The following TASP1 variants were observed in gnomAD, a reference collection of about 807,000 sequenced individuals.
TASP1 encodes taspase 1, also known as threonine aspartase 1.
TASP1 carries 16 observed loss-of-function variants against 56.6 expected under a neutral mutation model. The observed-to-expected ratio is 0.28, with a 90% CI of 0.19 to 0.43. The LOEUF (loss-of-function observed/expected upper bound fraction) is 0.43, where lower values mean the gene tolerates loss of function less well. Among genes scored for constraint, TASP1 ranks in the 20% least tolerant of loss-of-function variants. TASP1 has a pLI of 1.00. For synonymous variants in TASP1, 179 were observed against 184.2 expected (o/e 0.97, Z 0.23); for missense variants, 393 against 511.6 (o/e 0.77, Z 2.24).
At chr20:13,492,565 C>T (rs1291357438) in intron 10 of TASP1, among the ~76,000 whole-genome samples, 2 of 152,064 alleles carry the variant, frequency 1.3e-5, no homozygotes, top group African/African-American at 4.8e-5. Flanking sequence ...AAACCTGGAA[C>T]CTATTATATA....
At chr20:13,303,657 C>A in the TASP1 span, among the ~76,000 whole-genome samples, 4 of 152,372 alleles carry the variant, frequency 2.6e-5, no homozygotes, top group Admixed American at 2.6e-4. Flanking sequence ...GACTCTCTCA[C>A]TTGCCTGCTG....
At chr20:13,571,081 A>G (rs575006049) in intron 6 of TASP1, among the ~76,000 whole-genome samples, 34 of 152,274 alleles carry the variant, frequency 2.2e-4, no homozygotes, top group Non-Finnish European at 4.6e-4. Flanking sequence ...GCTTTATTTT[A>G]TATATTTTTT....
chr20:13,272,346 C>T, the TASP1 span, among the ~76,000 whole-genome samples: 1 of 152,204 alleles, frequency 6.6e-6, no homozygotes, highest in African/African-American at 2.4e-5. Flanking sequence ...ACTGAGAACA[C>T]TTGGAATACC....
chr20:13,201,506 A>G, the TASP1 span, among the ~76,000 whole-genome samples: 1 of 152,020 alleles, frequency 6.6e-6, no homozygotes, highest in Non-Finnish European at 1.5e-5. Context: ...ATCTTTAGAC[A>G]TTGTCAATCA....
the TASP1 span, among the ~76,000 whole-genome samples, chr20:13,220,656 G>C: frequency 6.6e-6 from 1 of 152,234 alleles, no homozygotes; most frequent in East Asian, 1.9e-4. Context: ...TCCCTTCCCA[G>C]GCTCTACGGG....
At chr20:13,546,230 G>A (rs1465053883) in intron 8 of TASP1, among the ~76,000 whole-genome samples, 1 of 151,120 alleles carries the variant, frequency 6.6e-6, no homozygotes, top group Non-Finnish European at 1.5e-5. Flanking sequence ...AAGACTGCAA[G>A]AAGCCATGAC....
intron 4 of TASP1, among the ~76,000 whole-genome samples, chr20:13,594,443 T>G (rs2047652919): frequency 6.6e-6 from 1 of 152,176 alleles, no homozygotes; most frequent in African/African-American, 2.4e-5. Context: ...TAAAGGAGCA[T>G]GTTCTAACAC....
the TASP1 span, among the ~76,000 whole-genome samples, chr20:13,357,912 C>T: frequency 1.3e-5 from 2 of 152,230 alleles, no homozygotes; most frequent in African/African-American, 2.4e-5. Flanking sequence ...CAAGCCATCG[C>T]ATCCCCTGTG....
chr20:13,477,692 A>G (rs1457020857), intron 11 of TASP1, among the ~76,000 whole-genome samples: 2 of 152,170 alleles, frequency 1.3e-5, no homozygotes, highest in Non-Finnish European at 2.9e-5. Context: ...AAGAACAACT[A>G]AAAAGGAAAC....
chr20:13,575,350 A>G lies in TASP1; in HGVS notation c.488+5547T>C, dbSNP rs561494668. On this transcript the variant is annotated intron_variant, in intron 6 of 13. Transcript: ENST00000337743. ...TATATTGAATTGTAGCTCCCATAAT[A>G]CCCATGTGTCATGGGAGGGACCCAG... 3.5e-4 allele frequency among the ~76,000 whole-genome samples: 53 copies of G among 152,216 alleles called. 3 individuals are homozygous for G. The highest frequency in any genetic ancestry group is 1.3e-3 in the African/African-American group (52 of 41,534).
the TASP1 span, among the ~76,000 whole-genome samples, chr20:13,287,090 T>G: frequency 1.7e-5 from 1 of 60,392 alleles, no homozygotes; most frequent in Non-Finnish European, 3.4e-5. Context: ...AGACTTTACT[T>G]TTGATAAGAG....
chr20:13,486,445 C>A (rs948114916), intron 10 of TASP1, among the ~76,000 whole-genome samples: 1 of 152,068 alleles, frequency 6.6e-6, no homozygotes, highest in Non-Finnish European at 1.5e-5. Context: ...AAATTCATAA[C>A]TTATGTTTTT....
chr20:13,307,847 G>A, the TASP1 span, among the ~76,000 whole-genome samples: 9 of 152,182 alleles, frequency 5.9e-5, no homozygotes, highest in Non-Finnish European at 1.3e-4. Context: ...GGAACATTTG[G>A]ATTGTTTCTA....
chr20:13,578,265 A>G (rs1211089947), intron 6 of TASP1, among the ~76,000 whole-genome samples: 1 of 151,130 alleles, frequency 6.6e-6, no homozygotes, highest in African/African-American at 2.4e-5. Flanking sequence ...TAATGTATTT[A>G]TATCTCATTA....
chr20:13,180,283 C>A, the TASP1 span, among the ~76,000 whole-genome samples: 1 of 152,130 alleles, frequency 6.6e-6, no homozygotes, highest in Non-Finnish European at 1.5e-5. Flanking sequence ...ATTTCATACA[C>A]CCCAGCCAGA....
At chr20:13,138,661 A>G in the TASP1 span, among the ~76,000 whole-genome samples, 1 of 152,200 alleles carries the variant, frequency 6.6e-6, no homozygotes, top group African/African-American at 2.4e-5. Flanking sequence ...GAGGTTACTT[A>G]TAGAATTATT....
the TASP1 span, among the ~76,000 whole-genome samples, chr20:13,198,101 AT>A: frequency 9.2e-5 from 14 of 152,124 alleles, no homozygotes; most frequent in Non-Finnish European, 1.5e-4. Context: ...TTAGCCTAAT[AT>A]TTTAATATTA....
chr20:13,528,379 T>TAAATGATTGACA, intron 10 of TASP1, 54 bp downstream of exon 10: 1 of 1,500,376 alleles, frequency 6.7e-7, no homozygotes, highest in Non-Finnish European at 9.2e-7. Flanking sequence ...TTTTAATCAT[T>TAAATGATTGACA]AAATGATTGA....
the TASP1 span, chr20:13,165,464 G>T: frequency 6.6e-6 from 1 of 152,338 alleles, no homozygotes; most frequent in Middle Eastern, 3.4e-3. Context: ...AAGCAGAACT[G>T]ATCAACTGCG....
Sources: allele counts gnomAD v4.1 joint callset (sites outside exome capture counted in the v4.1 genomes callset), GRCh38; gene constraint gnomAD v4.1.1; transcripts MANE v1.5; gene names NCBI Gene and HGNC (gene_info 2026-07-23, HGNC 2026-07-21).